Variants in DPY19L1 observed in about 807,000 individuals in gnomAD.
The protein encoded by DPY19L1 is protein C-mannosyl-transferase DPY19L1.
A neutral mutation model predicts 96.9 loss-of-function variants in DPY19L1; 35 were observed. The ratio of observed to expected loss-of-function variants is 0.36; its 90% CI spans 0.28 to 0.48. DPY19L1 has a LOEUF of 0.48. Ranked by LOEUF, DPY19L1 falls within the 20% of genes least tolerant of loss-of-function variation. The probability of loss-of-function intolerance (pLI) is 0.99; values close to 1 mark genes in which losing one functional copy is unlikely to be tolerated. For missense variants in DPY19L1, 521 were observed against 777.9 expected (o/e 0.67, Z 3.93); for synonymous variants, 205 against 252.6 (o/e 0.81, Z 1.79).
At chr7:34,978,449 C>A (rs866227101) in intron 7 of DPY19L1, among the ~76,000 whole-genome samples, 1 of 152,114 alleles carries the variant, frequency 6.6e-6, no homozygotes, top group African/African-American at 2.4e-5. Context: ...GTTATGCTAC[C>A]TCTCTTCAGA....
intron 1 of DPY19L1, among the ~76,000 whole-genome samples, chr7:35,019,446 C>T (rs1307217775): frequency 6.6e-6 from 1 of 151,178 alleles, no homozygotes; most frequent in Non-Finnish European, 1.5e-5. Context: ...TACTGAGACT[C>T]TGTTTCTCAA....
Position 35,018,608 on chromosome 7 carries a change from A to G in DPY19L1, c.299-12T>C. On this transcript the variant is annotated splice_polypyrimidine_tract_variant and intron_variant, in intron 1 of 21. Coordinates refer to ENST00000638088, the MANE Select transcript of DPY19L1 (RefSeq NM_001366673.1). ...TGCTGCAAAAACAGCTGTAAGAAAA[A>G]AGAAATTTAAATTAGAATTTTAGCA... The G allele has an allele frequency of 6.2e-7, 1 of 1,606,700 alleles. No individual in the cohort carries two copies. Among genetic ancestry groups the G allele is most frequent in the East Asian group, 2.2e-5 (1 of 44,714 alleles).
Position 34,981,257 on chromosome 7 carries a change from T to TA in DPY19L1, c.823-7653dup, listed in dbSNP as rs577148613. Among the ~76,000 whole-genome samples the TA allele has an allele frequency of 3.4e-3, 513 of 152,214 alleles. 1 individual carries two copies. Among genetic ancestry groups the TA allele is most frequent in the Non-Finnish European group, 5.5e-3 (374 of 68,004 alleles). On this transcript the variant is annotated intron_variant, in intron 7 of 21. Coordinates refer to ENST00000638088, the MANE Select transcript of DPY19L1 (RefSeq NM_001366673.1). ...TGCAATGGATTATAAAACATTGAATTAAAAAAACCCTATGCAAATATAATA... is the reference window on the plus strand; with the variant it reads ...TGCAATGGATTATAAAACATTGAATTAAAAAAAACCCTATGCAAATATAATA...
intron 14 of DPY19L1, among the ~76,000 whole-genome samples, chr7:34,949,173 T>C (rs1469445981): frequency 6.6e-6 from 1 of 152,232 alleles, no homozygotes; most frequent in East Asian, 1.9e-4. Context: ...ATATTTTATT[T>C]ATTTAAATAT....
chr7:35,009,843 C>T (rs908777974), intron 6 of DPY19L1, among the ~76,000 whole-genome samples: 3 of 152,128 alleles, frequency 2.0e-5, no homozygotes, highest in Admixed American at 6.5e-5. Context: ...CACGTACATA[C>T]AGCAAATGGA....
At chr7:34,972,970 G>A (rs556256485) in intron 8 of DPY19L1, among the ~76,000 whole-genome samples, 17 of 152,284 alleles carry the variant, frequency 1.1e-4, no homozygotes, top group Non-Finnish European at 1.9e-4. Context: ...TTCTGAATTC[G>A]GAGGATCACT....
intron 9 of DPY19L1, among the ~76,000 whole-genome samples, chr7:34,967,602 GAATT>G: frequency 6.6e-6 from 1 of 152,220 alleles, no homozygotes; most frequent in South Asian, 2.1e-4. Flanking sequence ...TTATTTAGAT[GAATT>G]AATTGATTAA....
rs577538067 is a variant in DPY19L1, at chr7:34,941,014, T to A, written c.1690-687A>T. Among the ~76,000 whole-genome samples, 20 of 152,206 alleles carry A rather than the reference T, an allele frequency of 1.3e-4. No individual in the cohort carries two copies. In the South Asian group the frequency reaches 3.7e-3, roughly 28 times the overall value. On this transcript the variant is annotated intron_variant, in intron 18 of 21. Transcript: ENST00000638088. ...TTTTCCACATCCAAATAGTCCACAC[T>A]CCATAACAACACTTTGTTCTCTTGA...
At chr7:34,942,313 A>G (rs2128782028) in intron 17 of DPY19L1, among the ~76,000 whole-genome samples, 1 of 152,328 alleles carries the variant, frequency 6.6e-6, no homozygotes, top group Admixed American at 6.5e-5. Context: ...CAAGGTGAGC[A>G]GAGAGGAAAG....
At position 34,973,151 on chromosome 7, in the gene DPY19L1, A is replaced by G. The variant is rs141881370; in HGVS notation, c.914+363T>C. ...ATTCTGTGAATTATCCTTTGCCCCA[A>G]AGGATTGTATCTTACAGGATACACT... On this transcript the variant is annotated intron_variant, in intron 8 of 21. Coordinates refer to ENST00000638088, the MANE Select transcript of DPY19L1 (RefSeq NM_001366673.1). Among the ~76,000 whole-genome samples, 320 of 152,322 alleles carry G rather than the reference A, an allele frequency of 2.1e-3. 2 individuals are homozygous for G. The highest frequency in any genetic ancestry group is 5.8e-3 in the African/African-American group (241 of 41,578).
At chr7:35,035,148 T>C (rs1786360968) in intron 1 of DPY19L1, among the ~76,000 whole-genome samples, 1 of 152,208 alleles carries the variant, frequency 6.6e-6, no homozygotes. Flanking sequence ...TGGGGCCTCA[T>C]GCAGAGGGTT....
chr7:35,026,463 G>A (rs750699500), intron 1 of DPY19L1, among the ~76,000 whole-genome samples: 1 of 150,874 alleles, frequency 6.6e-6, no homozygotes, highest in African/African-American at 2.4e-5. Context: ...ACCCACCTAG[G>A]AGGAGCTTGT....
chr7:34,960,163 T>C (rs1328166108), intron 10 of DPY19L1, among the ~76,000 whole-genome samples: 1 of 151,580 alleles, frequency 6.6e-6, no homozygotes, highest in South Asian at 2.1e-4. Context: ...TTGATCCATA[T>C]ATATCAATTT....
intron 4 of DPY19L1, among the ~76,000 whole-genome samples, chr7:35,011,850 G>A (rs1413025704): frequency 6.6e-6 from 1 of 152,184 alleles, no homozygotes; most frequent in Non-Finnish European, 1.5e-5. Context: ...AATTCCAAGT[G>A]TCTAAAATGT....
In DPY19L1 at chr7:35,017,877, C is replaced by A. The variant is rs1285466469; in HGVS notation, c.411+5G>T. On this transcript the variant is annotated splice_donor_5th_base_variant and intron_variant, in intron 3 of 21. Coordinates refer to ENST00000638088, the MANE Select transcript of DPY19L1 (RefSeq NM_001366673.1). ...ACTATGATGAAATCCCAAATAAAAA[C>A]TAACCATTTCAGTGCGAAAAGCCAT... 1 of 1,578,180 alleles carries A rather than the reference C, an allele frequency of 6.3e-7. No individual in the cohort carries two copies. The highest frequency in any genetic ancestry group is 8.6e-7 in the Non-Finnish European group (1 of 1,160,298).
intron 11 of DPY19L1, among the ~76,000 whole-genome samples, chr7:34,956,943 G>A (rs184539369): frequency 9.2e-5 from 14 of 152,232 alleles, no homozygotes; most frequent in Admixed American, 3.9e-4. Flanking sequence ...TTCCAATTAC[G>A]ACAGTGCAAT....
At chr7:34,932,181 T>C (rs1434808090) in intron 21 of DPY19L1, among the ~76,000 whole-genome samples, 1 of 152,192 alleles carries the variant, frequency 6.6e-6, no homozygotes, top group Admixed American at 6.5e-5. Flanking sequence ...ATTTAAAAAA[T>C]TATAATGAAC....
intron 6 of DPY19L1, among the ~76,000 whole-genome samples, chr7:35,002,161 CA>C (rs1019458601): frequency 1.4e-5 from 2 of 139,234 alleles, no homozygotes; most frequent in African/African-American, 2.6e-5. Flanking sequence ...AAAACAACAA[CA>C]AAAAAAACCC....
intron 13 of DPY19L1, among the ~76,000 whole-genome samples, chr7:34,950,465 T>C (rs188838185): frequency 1.4e-4 from 21 of 152,268 alleles, no homozygotes; most frequent in Non-Finnish European, 2.8e-4. Context: ...AAAAGCCATG[T>C]GAGGAAGGTG....
Sources: gnomAD v4.1 joint callset for allele counts (sites outside exome capture counted in the v4.1 genomes callset) on GRCh38, gnomAD v4.1.1 for gene constraint, MANE v1.5 for transcripts, NCBI Gene and HGNC (gene_info 2026-07-23, HGNC 2026-07-21) for gene names.